The following DLG2 variants were observed in gnomAD, a reference collection of about 807,000 sequenced individuals.
DLG2 encodes the protein disks large homolog 2.
A neutral mutation model predicts 132.5 loss-of-function variants in DLG2; 45 were observed. That is an observed-to-expected ratio of 0.34 (90% confidence interval 0.27 to 0.44). The LOEUF is 0.44. Ranked by LOEUF, DLG2 falls within the 20% of genes least tolerant of loss-of-function variation. DLG2 has a pLI of 1.00. For missense variants in DLG2, 1,045 were observed against 1,196.9 expected, an observed-to-expected ratio of 0.87 and a Z score of 1.87; for synonymous variants, 424 against 419.6, an observed-to-expected ratio of 1.01 and a Z score of -0.13.
At chr11:84,857,937 G>C (rs2083015036) in intron 6 of DLG2, among the ~76,000 whole-genome samples, 1 of 151,646 alleles carries the variant, frequency 6.6e-6, no homozygotes, top group Non-Finnish European at 1.5e-5. Context: ...GTGTCATGCA[G>C]GCTGGAGTGC....
At chr11:84,323,720 C>CTTT (rs35283044) in intron 7 of DLG2, among the ~76,000 whole-genome samples, 19 of 123,774 alleles carry the variant, frequency 1.5e-4, no homozygotes, top group South Asian at 5.2e-4. Context: ...TTCTTTTTTC[C>CTTT]TTTTTTTTTT....
At chr11:83,527,676 G>T (rs2095641735) in intron 21 of DLG2, among the ~76,000 whole-genome samples, 1 of 152,024 alleles carries the variant, frequency 6.6e-6, no homozygotes, top group Admixed American at 6.6e-5. Flanking sequence ...TGATTTATTT[G>T]TTTATACCAT....
At chr11:84,666,967 G>C (rs1309275469) in intron 6 of DLG2, among the ~76,000 whole-genome samples, 1 of 151,998 alleles carries the variant, frequency 6.6e-6, no homozygotes, top group African/African-American at 2.4e-5. Flanking sequence ...TTTATGTGTT[G>C]TCCTATCTAC....
At chr11:85,342,564 C>T (rs2082572364) in intron 3 of DLG2, among the ~76,000 whole-genome samples, 1 of 152,148 alleles carries the variant, frequency 6.6e-6, no homozygotes, top group African/African-American at 2.4e-5. Context: ...AAGGAGTACA[C>T]TCTAAAAAAT....
At chr11:85,604,084 G>C (rs923906317) in intron 2 of DLG2, among the ~76,000 whole-genome samples, 3 of 152,064 alleles carry the variant, frequency 2.0e-5, no homozygotes, top group African/African-American at 7.2e-5. Flanking sequence ...AACTATAAAG[G>C]GAAAATACTG....
intron 18 of DLG2, among the ~76,000 whole-genome samples, chr11:83,674,224 A>G (rs886328351): frequency 6.6e-6 from 1 of 152,190 alleles, no homozygotes; most frequent in African/African-American, 2.4e-5. Flanking sequence ...CAGCTTGTAG[A>G]GGAGCACTCA....
At chr11:83,643,480 C>A (rs2067193057) in intron 18 of DLG2, 1 of 152,072 alleles carries the variant, frequency 6.6e-6, no homozygotes, top group South Asian at 2.1e-4. Context: ...AGGAACTGTG[C>A]CTTCTAATTT....
intron 4 of DLG2, among the ~76,000 whole-genome samples, chr11:85,230,546 T>G (rs2075244555): frequency 6.6e-6 from 1 of 151,836 alleles, no homozygotes; most frequent in African/African-American, 2.4e-5. Flanking sequence ...AAAGATGTAG[T>G]TTTTTTCATA....
intron 15 of DLG2, among the ~76,000 whole-genome samples, chr11:83,886,968 T>C (rs947473953): frequency 8.6e-5 from 13 of 151,862 alleles, no homozygotes; most frequent in African/African-American, 2.7e-4. Context: ...GGGAAATTTA[T>C]AGCACTAAAT....
chr11:85,231,801 A>G (rs548976525), intron 4 of DLG2, among the ~76,000 whole-genome samples: 5 of 152,036 alleles, frequency 3.3e-5, no homozygotes, highest in East Asian at 3.9e-4. Flanking sequence ...TGTCAGCCCA[A>G]TGACTAACAT....
chr11:84,671,185 A>G (rs2099705531), intron 6 of DLG2, among the ~76,000 whole-genome samples: 1 of 149,226 alleles, frequency 6.7e-6, no homozygotes, highest in African/African-American at 2.5e-5. Context: ...GCCTGCCTTG[A>G]CCTCCCTTGC....
chr11:83,581,948 C>CTTTTTTT lies in DLG2; in HGVS notation c.1941-40097_1941-40091dup, dbSNP rs71849863. On this transcript the variant is annotated intron_variant, in intron 19 of 27. Coordinates refer to ENST00000376104, the MANE Select transcript of DLG2 (RefSeq NM_001142699.3). ...GAATTTAGAATTCTGAGTTTGGACTCTTTTTTTTTTTTTTTTTTTTTTTTT... is the reference window on the plus strand; with the variant it reads ...GAATTTAGAATTCTGAGTTTGGACTCTTTTTTTTTTTTTTTTTTTTTTTTTTTTTTTT... Among the ~76,000 whole-genome samples, 199 of 52,620 alleles carry CTTTTTTT rather than the reference C, an allele frequency of 3.8e-3. 27 individuals are homozygous for CTTTTTTT. The highest frequency in any genetic ancestry group is 4.0e-3 in the South Asian group (4 of 988). The allele number at this position is 52,620 out of a possible 152,430, so 34.5% of individuals were successfully genotyped here. A position where few individuals can be genotyped will look rare whatever the true frequency, so the allele number is the denominator to read the frequency against.
chr11:84,639,849 T>G (rs192364839), intron 6 of DLG2: 14 of 173,146 alleles, frequency 8.1e-5, no homozygotes, highest in African/African-American at 3.1e-4. Flanking sequence ...AGCACACCTG[T>G]CTGAGTAGGC....
intron 3 of DLG2, among the ~76,000 whole-genome samples, chr11:85,544,889 G>C (rs1271096463): frequency 6.6e-6 from 1 of 152,146 alleles, no homozygotes; most frequent in Non-Finnish European, 1.5e-5. Flanking sequence ...GAGACTTTGG[G>C]GTGAGATGAT....
At chr11:84,631,039 C>G (rs1159865745) in intron 6 of DLG2, among the ~76,000 whole-genome samples, 1 of 149,782 alleles carries the variant, frequency 6.7e-6, no homozygotes, top group African/African-American at 2.5e-5. Context: ...CACACACACA[C>G]ACACACACAC....
At chr11:85,496,745 T>A (rs1170923637) in intron 3 of DLG2, among the ~76,000 whole-genome samples, 2 of 152,108 alleles carry the variant, frequency 1.3e-5, no homozygotes, top group African/African-American at 2.4e-5. Flanking sequence ...CAGCAATATT[T>A]GCTGTTCTGC....
chr11:84,564,037 C>T (rs1301007266), intron 6 of DLG2, among the ~76,000 whole-genome samples: 1 of 152,110 alleles, frequency 6.6e-6, no homozygotes, highest in Non-Finnish European at 1.5e-5. Context: ...GTCTCACTCG[C>T]TTATATTCTG....
chr11:83,950,307 G>A (rs2085089800), intron 14 of DLG2, among the ~76,000 whole-genome samples: 2 of 152,140 alleles, frequency 1.3e-5, no homozygotes, highest in African/African-American at 2.4e-5. Context: ...AAAAATACAA[G>A]CAAATGGCCA....
At chr11:85,353,461 C>T (rs1333264243) in intron 3 of DLG2, among the ~76,000 whole-genome samples, 4 of 152,064 alleles carry the variant, frequency 2.6e-5, no homozygotes, top group Non-Finnish European at 5.9e-5. Flanking sequence ...CTAGAAATAC[C>T]ATTGGACCGA....
Sources: gnomAD v4.1 joint callset for allele counts (sites outside exome capture counted in the v4.1 genomes callset) on GRCh38, gnomAD v4.1.1 for gene constraint, MANE v1.5 for transcripts, NCBI Gene and HGNC (gene_info 2026-07-23, HGNC 2026-07-21) for gene names.